TMTC4: variants seen among roughly 807,000 people sequenced by gnomAD.
TMTC4 encodes the protein protein O-mannosyl-transferase TMTC4.
A neutral mutation model predicts 86.0 loss-of-function variants in TMTC4; 65 were observed. The observed-to-expected ratio is 0.76, with a 90% confidence interval of 0.62 to 0.93. The LOEUF (loss-of-function observed/expected upper bound fraction) is 0.93. TMTC4 is among the 40% of genes least tolerant of loss of function. The pLI is 0.00. For synonymous variants in TMTC4, 379 were observed against 382.5 expected (o/e 0.99, Z 0.11); for missense variants, 866 against 948.1 (o/e 0.91, Z 1.14).
chr13:100,614,058 C>T (rs1454256062), intron 16 of TMTC4, among the ~76,000 whole-genome samples: 2 of 151,762 alleles, frequency 1.3e-5, no homozygotes, highest in South Asian at 4.2e-4. Context: ...AGGCTGGTCT[C>T]GAACTCCTGA....
intron 7 of TMTC4, 102 bp from the exon 8 acceptor site, chr13:100,638,124 T>C (rs1246654314): frequency 2.9e-5 from 24 of 827,510 alleles, no homozygotes; most frequent in South Asian, 2.4e-4. Context: ...AAGGAACACA[T>C]AGACTAGAGA....
intron 12 of TMTC4, among the ~76,000 whole-genome samples, chr13:100,627,201 C>T (rs1292910064): frequency 1.3e-5 from 2 of 152,140 alleles, no homozygotes; most frequent in African/African-American, 2.4e-5. Flanking sequence ...AGCAGGGATG[C>T]AGGTTGGAGA....
intron 1 of TMTC4, among the ~76,000 whole-genome samples, chr13:100,673,084 C>G (rs1344778859): frequency 6.6e-6 from 1 of 152,182 alleles, no homozygotes; most frequent in Non-Finnish European, 1.5e-5. Context: ...TCAACAGGGG[C>G]TGAATCTGGA....
intron 5 of TMTC4, among the ~76,000 whole-genome samples, chr13:100,661,804 A>C (rs1011872156): frequency 3.9e-5 from 6 of 152,356 alleles, no homozygotes; most frequent in Admixed American, 3.3e-4. Flanking sequence ...CAGCATCTTG[A>C]AACTTCAAGA....
chr13:100,617,874 T>C (rs971889605), intron 15 of TMTC4, among the ~76,000 whole-genome samples: 4 of 152,238 alleles, frequency 2.6e-5, no homozygotes, highest in African/African-American at 9.6e-5. Flanking sequence ...CTGTGAAAAA[T>C]GACATTGGCA....
At chr13:100,624,545 C>T (rs370306085) in intron 15 of TMTC4, 3 of 147,268 alleles carry the variant, frequency 2.0e-5, no homozygotes, top group East Asian at 2.1e-4. Flanking sequence ...CTCTTTAAAG[C>T]GAAACTCTGT....
At chr13:100,609,666 T>TC (rs1310531327) in intron 17 of TMTC4, among the ~76,000 whole-genome samples, 2 of 74,124 alleles carry the variant, frequency 2.7e-5, no homozygotes, top group Admixed American at 1.9e-4. Flanking sequence ...GAATGCTCAC[T>TC]AAATGTATAT....
intron 6 of TMTC4, among the ~76,000 whole-genome samples, chr13:100,655,482 C>T (rs1461251240): frequency 6.6e-6 from 1 of 152,204 alleles, no homozygotes; most frequent in South Asian, 2.1e-4. Flanking sequence ...CCCTCCCTCC[C>T]AGTCCTGTTA....
At chr13:100,619,704 A>G (rs909437111) in intron 15 of TMTC4, among the ~76,000 whole-genome samples, 11 of 152,230 alleles carry the variant, frequency 7.2e-5, no homozygotes, top group African/African-American at 2.4e-4. Context: ...TCAAGTTACA[A>G]TATTTTTACC....
chr13:100,648,260 A>G (rs997996664), intron 6 of TMTC4, among the ~76,000 whole-genome samples: 2 of 152,170 alleles, frequency 1.3e-5, no homozygotes, highest in Non-Finnish European at 2.9e-5. Flanking sequence ...GAGTGCTTGA[A>G]ATGTATCTAG....
intron 9 of TMTC4, 75 bp downstream of exon 9, chr13:100,637,463 A>G: frequency 2.0e-6 from 3 of 1,530,996 alleles, no homozygotes; most frequent in Non-Finnish European, 2.6e-6. Flanking sequence ...GAGTGAGACG[A>G]GGAGGAGGGG....
In TMTC4 at chr13:100,671,005, T is replaced by C. The variant is rs1887024886; in HGVS notation, c.-207-436A>G. On this transcript the variant is annotated intron_variant, in intron 1 of 18. Transcript: ENST00000342624. ...AAATACTGAATAGTTAGGAAGATACTATGATTTAACATGGGGAGAAATTTT... is the reference window on the plus strand; with the variant it reads ...AAATACTGAATAGTTAGGAAGATACCATGATTTAACATGGGGAGAAATTTT... Among the ~76,000 whole-genome samples the C allele has an allele frequency of 2.0e-5, 3 of 152,330 alleles. No homozygotes were observed. The South Asian group carries it at 6.2e-4, about 32-fold the overall frequency.
intron 5 of TMTC4, among the ~76,000 whole-genome samples, chr13:100,659,760 A>G (rs1885539691): frequency 6.6e-6 from 1 of 150,876 alleles, no homozygotes; most frequent in South Asian, 2.1e-4. Context: ...GAGGAGCACA[A>G]AACACCGACT....
At chr13:100,643,674 C>T (rs1883332764) in intron 6 of TMTC4, among the ~76,000 whole-genome samples, 1 of 152,166 alleles carries the variant, frequency 6.6e-6, no homozygotes, top group Non-Finnish European at 1.5e-5. Flanking sequence ...ATTATTTTAA[C>T]CATGTGTGTA....
At chr13:100,637,895 C>T (rs1412725882) in intron 8 of TMTC4, 35 bp downstream of exon 8, 1 of 1,569,990 alleles carries the variant, frequency 6.4e-7, no homozygotes, top group African/African-American at 1.4e-5. Context: ...TTGACATTTT[C>T]CATGTCTGGG....
Position 100,637,956 on chromosome 13 carries a change from C to T in TMTC4, c.808G>A (p.Val270Ile), listed in dbSNP as rs760202716. 6 of 1,613,770 alleles carry T rather than the reference C, an allele frequency of 3.7e-6. No individual in the cohort carries two copies. The East Asian group carries it at 8.9e-5, about 24-fold the overall frequency. ...KFNVLEIVQK[V>I]LHKDKSLENL... Reference sequence around the variant, plus strand: ...TCTAATGACTTGTCCTTATGTAGTACCTTCTGGACAATTTCCAGAACATTG... The same window carrying T: ...TCTAATGACTTGTCCTTATGTAGTATCTTCTGGACAATTTCCAGAACATTG... The change falls in exon 8 of 19, where the codon GTA (valine) becomes ATA (isoleucine). Residue 270 changes from valine (V) to isoleucine (I), a missense_variant. By Grantham distance (29) the Val-to-Ile change is conservative (BLOSUM62 3). Transcript: ENST00000342624.
intron 7 of TMTC4, among the ~76,000 whole-genome samples, chr13:100,639,525 C>G (rs956671396): frequency 1.3e-5 from 2 of 152,122 alleles, no homozygotes; most frequent in African/African-American, 2.4e-5. Flanking sequence ...AAGACTGCCC[C>G]CTTCCTTCTT....
At chr13:100,669,664 C>T (rs190700237) in intron 2 of TMTC4, among the ~76,000 whole-genome samples, 10 of 152,180 alleles carry the variant, frequency 6.6e-5, no homozygotes, top group African/African-American at 9.7e-5. Context: ...GAGCCCACCC[C>T]CTGCGGCCCT....
intron 12 of TMTC4, among the ~76,000 whole-genome samples, chr13:100,632,706 A>C (rs1425154462): frequency 6.6e-6 from 1 of 152,218 alleles, no homozygotes. Flanking sequence ...TCTTTACTTA[A>C]GTTTCATAAT....
Sources: allele counts gnomAD v4.1 joint callset (sites outside exome capture counted in the v4.1 genomes callset), GRCh38; gene constraint gnomAD v4.1.1; transcripts MANE v1.5; gene names NCBI Gene and HGNC (gene_info 2026-07-23, HGNC 2026-07-21).